The following PARP15 variants were observed in gnomAD, a reference collection of about 807,000 sequenced individuals.
PARP15 encodes the protein poly(ADP-ribose) polymerase family member 15.
Under a neutral mutation model 62.1 loss-of-function variants are expected in PARP15, and 50 were observed. The ratio of observed to expected loss-of-function variants is 0.81; its 90% CI spans 0.64 to 1.02. The LOEUF is 1.02. Among genes scored for constraint, PARP15 ranks in the 50% least tolerant of loss-of-function variants. The pLI, the probability that PARP15 is intolerant of heterozygous loss-of-function variation, is 0.00. For synonymous variants in PARP15, 309 were observed against 293.1 expected, an observed-to-expected ratio of 1.05 and a Z score of -0.55; for missense variants, 820 against 826.5, an observed-to-expected ratio of 0.99 and a Z score of 0.10.
At chr3:122,606,985 C>T (rs1909806) in intron 2 of PARP15, among the ~76,000 whole-genome samples, 11,747 of 150,640 alleles carry the variant, frequency 0.078, 546 homozygotes, top group African/African-American at 0.13. Flanking sequence ...GGGAGGCAGC[C>T]GGCTGCTTTC....
chr3:122,579,571 C>T (rs758874742), intron 1 of PARP15, among the ~76,000 whole-genome samples: 11 of 152,300 alleles, frequency 7.2e-5, no homozygotes, highest in Non-Finnish European at 1.5e-4. Context: ...TGAAATCATT[C>T]AGCAGAGAGT....
intron 1 of PARP15, among the ~76,000 whole-genome samples, chr3:122,603,192 G>A (rs1282114982): frequency 1.3e-5 from 2 of 152,122 alleles, no homozygotes; most frequent in African/African-American, 2.4e-5. Flanking sequence ...ACTCCTGGTG[G>A]CCCTGGATCC....
chr3:122,606,214 A>G (rs949847294), intron 2 of PARP15, among the ~76,000 whole-genome samples, 159 bp downstream of exon 2: 3 of 152,230 alleles, frequency 2.0e-5, no homozygotes, highest in African/African-American at 7.2e-5. Flanking sequence ...GTTTATGCAG[A>G]TATATACTTA....
At position 122,606,059 on chromosome 3, in the gene PARP15, G is replaced by A. The variant is rs1352336296; in HGVS notation, c.306+4G>A. 23 of 1,550,974 alleles carry A rather than the reference G, an allele frequency of 1.5e-5. No individual in the cohort carries two copies. The Admixed American group carries it at 1.6e-4, about 11-fold the overall frequency. ...TGGAGATGTTCTGTACATCTGGGTA[G>A]GTGATGCCATTTAATAAATCTACCA... On this transcript the variant is annotated splice_donor_region_variant and intron_variant, in intron 2 of 11. Transcript: ENST00000464300.
chr3:122,615,035 A>AC, intron 4 of PARP15: 6 of 959,116 alleles, frequency 6.3e-6, no homozygotes, highest in Non-Finnish European at 7.4e-6. Flanking sequence ...GTCTGCAAAA[A>AC]AAAAAAAAAA....
intron 4 of PARP15, among the ~76,000 whole-genome samples, chr3:122,614,688 A>G (rs1212076830): frequency 1.3e-5 from 2 of 152,178 alleles, no homozygotes; most frequent in African/African-American, 2.4e-5. Context: ...TGACATCTTC[A>G]GTAGCAATCT....
intron 2 of PARP15, among the ~76,000 whole-genome samples, chr3:122,609,821 A>T (rs1184103023): frequency 6.6e-6 from 1 of 152,140 alleles, no homozygotes; most frequent in Admixed American, 6.5e-5. Context: ...AGGAGTTATG[A>T]GTTGAATATG....
At chr3:122,582,915 T>C (rs1933075509) in intron 1 of PARP15, among the ~76,000 whole-genome samples, 1 of 149,764 alleles carries the variant, frequency 6.7e-6, no homozygotes, top group African/African-American at 2.5e-5. Flanking sequence ...ATGCTGTTAA[T>C]CCCATACAGT....
chr3:122,601,670 CAGA>C (rs1347540975), intron 1 of PARP15, among the ~76,000 whole-genome samples: 1 of 152,216 alleles, frequency 6.6e-6, no homozygotes, highest in Non-Finnish European at 1.5e-5. Context: ...TATCCACTCA[CAGA>C]AGGACATCTT....
chr3:122,613,005 G>C (rs1935684965), intron 3 of PARP15, 36 bp from the exon 4 acceptor site: 1 of 1,507,198 alleles, frequency 6.6e-7, no homozygotes, highest in African/African-American at 1.4e-5. Flanking sequence ...GCTAGCTTAA[G>C]CCCTAACTTA....
At chr3:122,618,091 C>A (rs575085938) in intron 6 of PARP15, among the ~76,000 whole-genome samples, 1 of 151,946 alleles carries the variant, frequency 6.6e-6, no homozygotes, top group African/African-American at 2.4e-5. Flanking sequence ...TAAAATAAAA[C>A]GGAAATAGAA....
chr3:122,626,795 G>A (rs770265072), intron 8 of PARP15, 32 bp from the exon 9 acceptor site: 1 of 1,591,206 alleles, frequency 6.3e-7, no homozygotes, highest in Non-Finnish European at 8.6e-7. Context: ...AACATCGGGG[G>A]AAACTTCTTT....
chr3:122,633,960 C>T (rs939380323), intron 10 of PARP15, among the ~76,000 whole-genome samples: 1 of 152,236 alleles, frequency 6.6e-6, no homozygotes, highest in African/African-American at 2.4e-5. Context: ...CTGGACCCTC[C>T]AGGCTTCCTG....
Position 122,636,250 on chromosome 3 carries a change from T to TACAAATC in PARP15, c.*150_*151insACAAATC. Reference sequence around the variant, plus strand: ...TTACCTTTTTAAAGTGCTCTATTGCTGCGATTTGTAGCATACCTTTTTTTC... The same window carrying TACAAATC: ...TTACCTTTTTAAAGTGCTCTATTGCTACAAATCGCGATTTGTAGCATACCTTTTTTTC... On this transcript the variant is annotated 3_prime_UTR_variant, in exon 12 of 12. Coordinates refer to ENST00000464300, the MANE Select transcript of PARP15 (RefSeq NM_001113523.3). 1.3e-6 allele frequency: 1 copy of TACAAATC among 741,832 alleles called. No individual in the cohort carries two copies. The highest frequency in any genetic ancestry group is 2.1e-6 in the Non-Finnish European group (1 of 468,422). 46.0% of individuals were successfully genotyped at this position (741,832 alleles called of 1,614,324 possible). A position where few individuals can be genotyped will look rare whatever the true frequency, so the allele number is the denominator to read the frequency against.
intron 5 of PARP15, 80 bp from the exon 6 acceptor site, chr3:122,616,935 A>G (rs1936013538): frequency 1.4e-6 from 2 of 1,470,580 alleles, no homozygotes; most frequent in Non-Finnish European, 1.8e-6. Context: ...TGAGCTGGGA[A>G]GAGAATAGGG....
intron 3 of PARP15, among the ~76,000 whole-genome samples, chr3:122,611,800 C>T (rs142375694): frequency 0.034 from 5,137 of 149,546 alleles, 228 homozygotes; most frequent in African/African-American, 0.1. Context: ...CCGCAGCCTC[C>T]GCCTCCCGGG....
intron 8 of PARP15, among the ~76,000 whole-genome samples, chr3:122,623,038 A>G (rs1443734522): frequency 1.3e-5 from 2 of 152,108 alleles, no homozygotes; most frequent in Non-Finnish European, 2.9e-5. Context: ...GCACCCTGCA[A>G]TGTTTGCAGT....
intron 1 of PARP15, among the ~76,000 whole-genome samples, chr3:122,592,183 A>C (rs1418299793): frequency 1.3e-5 from 2 of 152,242 alleles, no homozygotes; most frequent in African/African-American, 4.8e-5. Flanking sequence ...AAGACATGGA[A>C]TCAACCCAGA....
intron 1 of PARP15, among the ~76,000 whole-genome samples, chr3:122,584,449 C>T (rs1933239143): frequency 6.6e-6 from 1 of 151,992 alleles, no homozygotes; most frequent in African/African-American, 2.4e-5. Context: ...TCATAGTTAC[C>T]ATACTTACCT....
Sources: gnomAD v4.1 joint callset for allele counts (sites outside exome capture counted in the v4.1 genomes callset) on GRCh38, gnomAD v4.1.1 for gene constraint, MANE v1.5 for transcripts, NCBI Gene and HGNC (gene_info 2026-07-23, HGNC 2026-07-21) for gene names.